Variants in PBX1 observed in about 807,000 individuals in gnomAD.
PBX1 encodes pre-B-cell leukemia transcription factor 1.
Under a neutral mutation model 53.4 loss-of-function variants are expected in PBX1, and 6 were observed. The observed-to-expected ratio is 0.11, with a 90% CI of 0.06 to 0.22. PBX1 has a LOEUF of 0.22. PBX1 is among the 10% of genes least tolerant of loss of function. The pLI, the probability that PBX1 is intolerant of heterozygous loss-of-function variation, is 1.00. For missense variants in PBX1, 251 were observed against 551.4 expected (o/e 0.46, Z 5.46); for synonymous variants, 204 against 212.3 (o/e 0.96, Z 0.34).
At chr1:164,836,902 C>G (rs1671066440) in intron 8 of PBX1, among the ~76,000 whole-genome samples, 1 of 152,180 alleles carries the variant, frequency 6.6e-6, no homozygotes, top group South Asian at 2.1e-4. Context: ...GCCAACGGAG[C>G]CTTTGTGGCT....
At chr1:164,852,494 C>T (rs1362316414), downstream of PBX1, among the ~76,000 whole-genome samples, 3 of 152,194 alleles carry the variant, frequency 2.0e-5, no homozygotes, top group Non-Finnish European at 4.4e-5. Flanking sequence ...TAAGTCTGTG[C>T]CCAAGTCTTT....
intron 2 of PBX1, among the ~76,000 whole-genome samples, chr1:164,660,529 C>T (rs1449363246): frequency 6.6e-6 from 1 of 152,100 alleles, no homozygotes; most frequent in Non-Finnish European, 1.5e-5. Context: ...TGTTAACTTG[C>T]TCCTTGTCAC....
intron 2 of PBX1, among the ~76,000 whole-genome samples, chr1:164,738,905 C>T (rs535141278): frequency 6.6e-6 from 1 of 152,318 alleles, no homozygotes; most frequent in East Asian, 1.9e-4. Flanking sequence ...AAGAAACCTT[C>T]CCTAAGTAAC....
At chr1:164,682,608 A>G (rs1228801298) in intron 2 of PBX1, 1 of 151,926 alleles carries the variant, frequency 6.6e-6, no homozygotes, top group African/African-American at 2.4e-5. Context: ...AAAAAAAAAA[A>G]GAGAAACTAA....
intron 2 of PBX1, among the ~76,000 whole-genome samples, chr1:164,780,416 G>C (rs567477432): frequency 2.0e-5 from 3 of 152,106 alleles, no homozygotes; most frequent in Non-Finnish European, 4.4e-5. Context: ...AACTTGAATC[G>C]GCAGTCGAGA....
chr1:164,861,608 C>T (rs1672100798), intron 2 of PBX1, among the ~76,000 whole-genome samples: 1 of 151,956 alleles, frequency 6.6e-6, no homozygotes, highest in African/African-American at 2.4e-5. Flanking sequence ...AAGAGGAAAC[C>T]AACAATAAAC....
chr1:164,793,889 T>TG, intron 3 of PBX1, among the ~76,000 whole-genome samples: 1 of 145,958 alleles, frequency 6.9e-6, no homozygotes. Context: ...TTTTTTTTTT[T>TG]TTTGAGATGG....
At chr1:164,835,372 A>G (rs903277430) in intron 8 of PBX1, among the ~76,000 whole-genome samples, 1 of 152,042 alleles carries the variant, frequency 6.6e-6, no homozygotes, top group East Asian at 1.9e-4. Flanking sequence ...AAGGGTATGC[A>G]TAAGTTTACA....
At chr1:164,764,462 TA>T (rs1374911705) in intron 2 of PBX1, among the ~76,000 whole-genome samples, 2 of 152,236 alleles carry the variant, frequency 1.3e-5, no homozygotes, top group East Asian at 3.8e-4. Flanking sequence ...TAGCTTGCTC[TA>T]ATATTTTTGT....
chr1:164,563,112 G>A, intron 1 of PBX1, 126 bp from the exon 2 acceptor site: 1 of 571,322 alleles, frequency 1.8e-6, no homozygotes, highest in Non-Finnish European at 3.2e-6. Context: ...AACAACTGAA[G>A]CATGCCACAG....
intron 4 of PBX1, 79 bp downstream of exon 4, chr1:164,799,968 C>T (rs1040811498): frequency 1.5e-6 from 2 of 1,351,928 alleles, no homozygotes; most frequent in Non-Finnish European, 2.0e-6. Flanking sequence ...CTGCCCCCTT[C>T]AGGCTCTAGT....
At chr1:164,564,589 T>C (rs79753189) in intron 2 of PBX1, among the ~76,000 whole-genome samples, 4,467 of 152,258 alleles carry the variant, frequency 0.029, 99 homozygotes, top group Admixed American at 0.053. Flanking sequence ...CATAACATTC[T>C]AGACAAAGCA....
At chr1:164,650,320 C>T (rs184628435) in intron 2 of PBX1, among the ~76,000 whole-genome samples, 37 of 151,988 alleles carry the variant, frequency 2.4e-4, no homozygotes, top group African/African-American at 8.5e-4. Context: ...CCTCCGCCTC[C>T]CAGGTTCAAT....
intron 2 of PBX1, among the ~76,000 whole-genome samples, chr1:164,690,800 T>C (rs1617366): frequency 0.59 from 89,062 of 151,566 alleles, 28,088 homozygotes; most frequent in East Asian, 0.7. Context: ...TTAACCTGTT[T>C]GATTTTCATC....
chr1:164,854,610 G>A (rs1417008348), downstream of PBX1, among the ~76,000 whole-genome samples: 1 of 152,042 alleles, frequency 6.6e-6, no homozygotes, highest in Non-Finnish European at 1.5e-5. Flanking sequence ...GCTGACCACC[G>A]AGGCCAGTGT....
At chr1:164,806,774 G>T (rs1669374437) in intron 4 of PBX1, among the ~76,000 whole-genome samples, 1 of 152,194 alleles carries the variant, frequency 6.6e-6, no homozygotes, top group Non-Finnish European at 1.5e-5. Context: ...CAGGCCCAGT[G>T]CCTGGAACCT....
intron 2 of PBX1, among the ~76,000 whole-genome samples, chr1:164,590,913 C>T (rs1043316065): frequency 2.6e-5 from 4 of 151,994 alleles, no homozygotes; most frequent in East Asian, 1.9e-4. Context: ...GGTGCGATCT[C>T]GGCTCACTGC....
At chr1:164,576,221 G>A (rs1654222436) in intron 2 of PBX1, among the ~76,000 whole-genome samples, 2 of 152,210 alleles carry the variant, frequency 1.3e-5, no homozygotes, top group South Asian at 2.1e-4. Flanking sequence ...GATGATGCTG[G>A]GAGCTGGACC....
chr1:164,876,005 T>TATATATATATATATAC (rs1487676214), intron 2 of PBX1, among the ~76,000 whole-genome samples: 3 of 56,838 alleles, frequency 5.3e-5, no homozygotes, highest in African/African-American at 9.7e-5. Flanking sequence ...TATATATATA[T>TATATATATATATATAC]ACACACATAC....
Sources: allele counts gnomAD v4.1 joint callset (sites outside exome capture counted in the v4.1 genomes callset), GRCh38; gene constraint gnomAD v4.1.1; transcripts MANE v1.5; gene names NCBI Gene and HGNC (gene_info 2026-07-23, HGNC 2026-07-21).